EPM2A: variants seen among roughly 807,000 people sequenced by gnomAD.
EPM2A encodes the protein EPM2A glucan phosphatase, laforin, also known as laforin.
Under a neutral mutation model 26.5 loss-of-function variants are expected in EPM2A, and 21 were observed. That is an observed-to-expected ratio of 0.79 (90% confidence interval 0.56 to 1.14). EPM2A has a LOEUF of 1.14. EPM2A is among the 50% of genes most tolerant of loss of function. The probability of loss-of-function intolerance (pLI) is 0.00; values close to 1 mark genes in which losing one functional copy is unlikely to be tolerated. For synonymous variants in EPM2A, 217 were observed against 177.6 expected, an observed-to-expected ratio of 1.22 and a Z score of -1.76; for missense variants, 458 against 440.8, an observed-to-expected ratio of 1.04 and a Z score of -0.35.
intron 2 of EPM2A, chr6:145,638,411 C>T (rs1188069151): frequency 6.6e-6 from 1 of 152,148 alleles, no homozygotes; most frequent in Non-Finnish European, 1.5e-5. Flanking sequence ...ATCCTTCAGC[C>T]CTGGCCTTCA....
intron 1 of EPM2A, among the ~76,000 whole-genome samples, chr6:145,726,811 T>C (rs955807906): frequency 2.0e-5 from 3 of 152,126 alleles, no homozygotes; most frequent in Non-Finnish European, 4.4e-5. Context: ...TGTGGTCATA[T>C]AGATAAGGTA....
chr6:145,565,497 T>C lies in EPM2A; in HGVS notation c.341-62922A>G, dbSNP rs568332140. 3.9e-5 allele frequency among the ~76,000 whole-genome samples: 6 copies of C among 152,258 alleles called. No individual in the cohort carries two copies. The East Asian group carries it at 9.7e-4, about 25-fold the overall frequency. The stretch of plus-strand genomic sequence containing the variant: ...TGAAACCCTGGAAACCCTGTGATCT[T>C]AAAACATGTACTTGCTTCTCTGCCT... On this transcript the variant is annotated intron_variant, in intron 2 of 3. Coordinates refer to the EPM2A transcript ENST00000450221.
intron 2 of EPM2A, among the ~76,000 whole-genome samples, chr6:145,618,880 G>T (rs552808727): frequency 6.6e-6 from 1 of 152,268 alleles, no homozygotes; most frequent in East Asian, 1.9e-4. Context: ...GAAGTAGAAA[G>T]GTCTCTCAGG....
downstream of EPM2A, among the ~76,000 whole-genome samples, chr6:145,500,240 C>A (rs1171250917): frequency 1.3e-5 from 2 of 152,282 alleles, no homozygotes; most frequent in African/African-American, 4.8e-5. Flanking sequence ...TTCATCAAAT[C>A]TATTTGAGTG....
intron 2 of EPM2A, among the ~76,000 whole-genome samples, chr6:145,603,626 T>C (rs894794969): frequency 6.6e-6 from 1 of 152,250 alleles, no homozygotes; most frequent in African/African-American, 2.4e-5. Flanking sequence ...TCCTCTTTTA[T>C]ATTTGTACCC....
chr6:145,709,815 G>T (rs988063009), intron 1 of EPM2A, among the ~76,000 whole-genome samples: 2 of 152,114 alleles, frequency 1.3e-5, no homozygotes, highest in African/African-American at 4.8e-5. Flanking sequence ...GGCAGAGGCA[G>T]CAAGATAAAA....
chr6:145,715,582 G>A (rs958226462), intron 1 of EPM2A, among the ~76,000 whole-genome samples: 5 of 152,196 alleles, frequency 3.3e-5, no homozygotes, highest in Non-Finnish European at 2.9e-5. Flanking sequence ...CACAGCAGGA[G>A]GTAAGCAGGC....
rs150314376 is a variant in EPM2A at position 145,572,572 on chromosome 6, A to G, written c.340+62673T>C. On this transcript the variant is annotated intron_variant, in intron 2 of 3. Coordinates refer to the EPM2A transcript ENST00000450221. Reference sequence around the variant, plus strand: ...CATATGCAAATGTTCAGTTTCCACCAAAGCCCAGTAACAGACCAAGAGCTG... The same window carrying G: ...CATATGCAAATGTTCAGTTTCCACCGAAGCCCAGTAACAGACCAAGAGCTG... 7.1e-3 allele frequency among the ~76,000 whole-genome samples: 1,077 copies of G among 152,314 alleles called. 46 individuals are homozygous for G. Among genetic ancestry groups the G allele is most frequent in the Admixed American group, 0.061 (940 of 15,296 alleles).
At chr6:145,498,358 C>A (rs1303228337), downstream of EPM2A, among the ~76,000 whole-genome samples, 1 of 152,180 alleles carries the variant, frequency 6.6e-6, no homozygotes, top group Non-Finnish European at 1.5e-5. Context: ...CCTAGGGGTA[C>A]CTGTGGACCA....
intron 2 of EPM2A, among the ~76,000 whole-genome samples, chr6:145,572,206 G>C (rs1374114559): frequency 6.6e-6 from 1 of 152,200 alleles, no homozygotes; most frequent in Non-Finnish European, 1.5e-5. Context: ...TAGTGCTGCA[G>C]CTGTCTACTT....
chr6:145,542,574 A>T (rs1780527606), intron 2 of EPM2A, among the ~76,000 whole-genome samples: 1 of 152,244 alleles, frequency 6.6e-6, no homozygotes, highest in Admixed American at 6.5e-5. Context: ...AGGGAATGAA[A>T]TACTTTTCAT....
At chr6:145,514,441 C>G (rs1780097403) in intron 2 of EPM2A, among the ~76,000 whole-genome samples, 1 of 151,956 alleles carries the variant, frequency 6.6e-6, no homozygotes, top group Non-Finnish European at 1.5e-5. Context: ...GGTACTAGAT[C>G]AGGAAAAAAC....
rs568948003 is a variant in EPM2A at position 145,571,554 on chromosome 6, A to C, written c.340+63691T>G. Among the ~76,000 whole-genome samples, 7 of 152,312 alleles carry C rather than the reference A, an allele frequency of 4.6e-5. No individual in the cohort carries two copies. In the South Asian group the frequency reaches 1.5e-3, roughly 32 times the overall value. Reference sequence around the variant, plus strand: ...AGAGTAAGTGTCCATTTCAGTGAGGACAAACCTCTACCCTTTCCATTATGG... The same window carrying C: ...AGAGTAAGTGTCCATTTCAGTGAGGCCAAACCTCTACCCTTTCCATTATGG... On this transcript the variant is annotated intron_variant, in intron 2 of 3. Transcript: ENST00000450221.
chr6:145,569,324 C>A (rs1029701080), intron 2 of EPM2A, among the ~76,000 whole-genome samples: 1 of 152,178 alleles, frequency 6.6e-6, no homozygotes, highest in African/African-American at 2.4e-5. Flanking sequence ...CAATTACTCA[C>A]GAGAGAGTAC....
At chr6:145,389,730 G>T (rs549568087) in intron 4 of EPM2A, among the ~76,000 whole-genome samples, 1 of 152,018 alleles carries the variant, frequency 6.6e-6, no homozygotes, top group Admixed American at 6.6e-5. Flanking sequence ...AGCAGTGAAG[G>T]TCTCCTACCT....
At chr6:145,664,745 T>C (rs983517648) in intron 2 of EPM2A, among the ~76,000 whole-genome samples, 7 of 152,030 alleles carry the variant, frequency 4.6e-5, no homozygotes, top group African/African-American at 7.2e-5. Flanking sequence ...TATTCCAAAA[T>C]TGACCACATA....
chr6:145,387,365 G>A (rs1053117624), intron 4 of EPM2A, among the ~76,000 whole-genome samples: 1 of 152,136 alleles, frequency 6.6e-6, no homozygotes. Flanking sequence ...GGATTAAAGA[G>A]GCAGCCCACA....
intron 4 of EPM2A, among the ~76,000 whole-genome samples, chr6:145,436,890 A>G (rs1483079149): frequency 6.6e-6 from 1 of 151,126 alleles, no homozygotes; most frequent in Non-Finnish European, 1.5e-5. Flanking sequence ...CCATCTTTTT[A>G]TTGATATTCT....
chr6:145,695,470 A>T (rs1781518399), intron 1 of EPM2A, among the ~76,000 whole-genome samples: 1 of 151,942 alleles, frequency 6.6e-6, no homozygotes, highest in Admixed American at 6.5e-5. Context: ...GTGGAAATGG[A>T]TTGAATTCTC....
Sources: allele counts gnomAD v4.1 joint callset (sites outside exome capture counted in the v4.1 genomes callset), GRCh38; gene constraint gnomAD v4.1.1; transcripts MANE v1.5; gene names NCBI Gene and HGNC (gene_info 2026-07-23, HGNC 2026-07-21).